Variants in ZNF438 observed in about 807,000 individuals in gnomAD.
The protein encoded by ZNF438 is zinc finger protein 438.
Under a neutral mutation model 38.0 loss-of-function variants are expected in ZNF438, and 25 were observed. The ratio of observed to expected loss-of-function variants is 0.66; its 90% confidence interval spans 0.48 to 0.92. The LOEUF is 0.92. ZNF438 is among the 40% of genes least tolerant of loss of function. The pLI is 0.00. For missense variants in ZNF438, 1,007 were observed against 999.6 expected, an observed-to-expected ratio of 1.01 and a Z score of -0.10; for synonymous variants, 372 against 364.1, an observed-to-expected ratio of 1.02 and a Z score of -0.25.
chr10:30,948,906 A>G (rs2047790148), intron 1 of ZNF438, among the ~76,000 whole-genome samples: 2 of 152,004 alleles, frequency 1.3e-5, no homozygotes, highest in South Asian at 4.1e-4. Context: ...AGAACGCCAC[A>G]AAGATACTCC....
intron 1 of ZNF438, among the ~76,000 whole-genome samples, chr10:30,960,529 C>T (rs538579788): frequency 1.4e-5 from 2 of 147,164 alleles, no homozygotes; most frequent in East Asian, 3.9e-4. Flanking sequence ...AACCCTTTCT[C>T]TATTTGTCTT....
chr10:30,850,626 T>C (rs2033431056), intron 4 of ZNF438, among the ~76,000 whole-genome samples: 1 of 152,212 alleles, frequency 6.6e-6, no homozygotes. Context: ...TTTATGTGTT[T>C]ATGTGTATCT....
chr10:30,918,707 T>C (rs2043934365), intron 2 of ZNF438, among the ~76,000 whole-genome samples: 1 of 152,186 alleles, frequency 6.6e-6, no homozygotes, highest in South Asian at 2.1e-4. Context: ...ATTCTACAAG[T>C]TGGCAGTAAA....
chr10:30,925,939 G>A (rs780639594), intron 2 of ZNF438, among the ~76,000 whole-genome samples: 29 of 152,118 alleles, frequency 1.9e-4, no homozygotes, highest in Non-Finnish European at 3.2e-4. Flanking sequence ...TATTTTTGAG[G>A]GGGATGCTGA....
chr10:31,014,308 C>T (rs2055995461), intron 1 of ZNF438, among the ~76,000 whole-genome samples: 1 of 152,200 alleles, frequency 6.6e-6, no homozygotes, highest in East Asian at 1.9e-4. Flanking sequence ...GCTCTGTAGG[C>T]TGAGAAGTCC....
intron 1 of ZNF438, among the ~76,000 whole-genome samples, chr10:31,008,123 A>G (rs1003595817): frequency 6.6e-6 from 1 of 152,244 alleles, no homozygotes; most frequent in Non-Finnish European, 1.5e-5. Context: ...AAGTTGAGTC[A>G]TGGCATAAAA....
chr10:30,948,329 A>G (rs1050972639), intron 1 of ZNF438, among the ~76,000 whole-genome samples: 2 of 152,186 alleles, frequency 1.3e-5, no homozygotes, highest in South Asian at 2.1e-4. Flanking sequence ...TGGAAACTCT[A>G]AAAAGCAGAG....
chr10:30,903,645 T>C (rs1331438616), intron 3 of ZNF438, among the ~76,000 whole-genome samples: 6 of 152,186 alleles, frequency 3.9e-5, no homozygotes, highest in Admixed American at 1.3e-4. Context: ...ACGGGACTTT[T>C]GCTTGTGTTT....
At chr10:30,875,548 T>C in intron 4 of ZNF438, 1 of 985,482 alleles carries the variant, frequency 1.0e-6, no homozygotes, top group Non-Finnish European at 1.2e-6. Flanking sequence ...GGACACTGAA[T>C]TTCAAACCCT....
At chr10:30,966,159 C>G (rs1225126942) in intron 1 of ZNF438, among the ~76,000 whole-genome samples, 1 of 151,910 alleles carries the variant, frequency 6.6e-6, no homozygotes, top group Non-Finnish European at 1.5e-5. Context: ...TAGCGAGACC[C>G]TGTCTCTACA....
intron 1 of ZNF438, among the ~76,000 whole-genome samples, chr10:30,982,267 A>G (rs1013479729): frequency 6.6e-6 from 1 of 151,590 alleles, no homozygotes; most frequent in Non-Finnish European, 1.5e-5. Context: ...ACGCCTGGCT[A>G]ATTTTTTGTA....
intron 1 of ZNF438, among the ~76,000 whole-genome samples, chr10:31,027,380 G>A (rs1170670480): frequency 6.6e-6 from 1 of 151,790 alleles, no homozygotes; most frequent in Non-Finnish European, 1.5e-5. Flanking sequence ...ATTTGCTTGT[G>A]CAAATGTAAA....
chr10:30,924,797 A>G (rs1039949502), intron 2 of ZNF438, among the ~76,000 whole-genome samples: 2 of 152,224 alleles, frequency 1.3e-5, no homozygotes, highest in African/African-American at 4.8e-5. Flanking sequence ...ATTGAATGCA[A>G]TGTGGTATCC....
In ZNF438 at chr10:30,982,164, C is replaced by T. The variant is rs560767166; in HGVS notation, c.-191-40513G>A. On this transcript the variant is annotated intron_variant, in intron 1 of 5. Transcript: ENST00000413025. Reference sequence around the variant, plus strand: ...TCACCCAGGCTGGAGTACAGTGGCGCGATCTCGGCTCACTGCGAACTCCGC... The same window carrying T: ...TCACCCAGGCTGGAGTACAGTGGCGTGATCTCGGCTCACTGCGAACTCCGC... Among the ~76,000 whole-genome samples the T allele has an allele frequency of 4.7e-5, 7 of 150,310 alleles. No homozygotes were observed. The South Asian group carries it at 6.3e-4, about 14-fold the overall frequency.
At chr10:30,997,201 T>C (rs932781768) in intron 1 of ZNF438, among the ~76,000 whole-genome samples, 29 of 151,844 alleles carry the variant, frequency 1.9e-4, no homozygotes, top group African/African-American at 5.6e-4. Context: ...AAGAATAATG[T>C]ACAAACAAAT....
intron 4 of ZNF438, among the ~76,000 whole-genome samples, chr10:30,870,681 G>A (rs1406918554): frequency 6.6e-6 from 1 of 152,080 alleles, no homozygotes; most frequent in African/African-American, 2.4e-5. Flanking sequence ...CTTATAACAA[G>A]GTCATGTATC....
chr10:30,873,924 T>C (rs1049461255), intron 4 of ZNF438, among the ~76,000 whole-genome samples: 6 of 152,096 alleles, frequency 3.9e-5, no homozygotes, highest in African/African-American at 1.2e-4. Context: ...TGTATGTGTT[T>C]ATAAGTTGGA....
chr10:31,024,472 CAAAAAATTAGCCGGGCT>C (rs908065625), intron 1 of ZNF438, among the ~76,000 whole-genome samples: 2 of 152,066 alleles, frequency 1.3e-5, no homozygotes, highest in African/African-American at 4.8e-5. Flanking sequence ...TAAAAAAATA[CAAAAAATTAGCCGGGCT>C]TGGTGGCGGG....
Position 31,020,740 on chromosome 10 carries a change from A to G in ZNF438, c.-192+11093T>C, listed in dbSNP as rs549855969. 1.2e-3 allele frequency among the ~76,000 whole-genome samples: 189 copies of G among 151,916 alleles called. 2 individuals are homozygous for G. Among genetic ancestry groups the G allele is most frequent in the African/African-American group, 3.8e-3 (156 of 41,508 alleles). On this transcript the variant is annotated intron_variant, in intron 1 of 5. Transcript: ENST00000413025. Reference sequence around the variant, plus strand: ...TTAGTAAACAACAGCTCTGTCAAAAACAATATTACTTATTGTTCATAATGT... The same window carrying G: ...TTAGTAAACAACAGCTCTGTCAAAAGCAATATTACTTATTGTTCATAATGT...
Sources: allele counts gnomAD v4.1 joint callset (sites outside exome capture counted in the v4.1 genomes callset), GRCh38; gene constraint gnomAD v4.1.1; transcripts MANE v1.5; gene names NCBI Gene and HGNC (gene_info 2026-07-23, HGNC 2026-07-21).